Variants in GRIK4 observed in about 807,000 individuals in gnomAD.
The protein encoded by GRIK4 is glutamate receptor ionotropic, kainate 4.
Under a neutral mutation model 104.9 loss-of-function variants are expected in GRIK4, and 40 were observed. The observed-to-expected ratio is 0.38, with a 90% CI of 0.30 to 0.50. The LOEUF is 0.50. GRIK4 is among the 20% of genes least tolerant of loss of function. The probability of loss-of-function intolerance (pLI) is 0.93; values close to 1 mark genes in which losing one functional copy is unlikely to be tolerated. For missense variants in GRIK4, 1,047 were observed against 1,308.1 expected (o/e 0.80, Z 3.08); for synonymous variants, 485 against 524.9 (o/e 0.92, Z 1.04).
chr11:120,898,523 TCTC>T lies in GRIK4; in HGVS notation c.1165-5_1165-3del. 1 of 1,516,578 alleles carries T rather than the reference TCTC, an allele frequency of 6.6e-7. No individual in the cohort carries two copies. Among genetic ancestry groups the T allele is most frequent in the Non-Finnish European group, 9.2e-7 (1 of 1,090,878 alleles). 93.9% of individuals were successfully genotyped at this position (1,516,578 alleles called of 1,614,324 possible). Reference sequence around the variant, plus strand: ...ATTTCTTCCCAGTCCTCTCCGTTGGTCTCCTCAGATCGGCCAGTGGCACGTGGC... The same window carrying T: ...ATTTCTTCCCAGTCCTCTCCGTTGGTCTCAGATCGGCCAGTGGCACGTGGC... On this transcript the variant is annotated splice_region_variant and splice_polypyrimidine_tract_variant and intron_variant, in intron 11 of 20. Coordinates refer to ENST00000527524, the MANE Select transcript of GRIK4 (RefSeq NM_014619.5).
intron 3 of GRIK4, among the ~76,000 whole-genome samples, chr11:120,780,849 C>G (rs957778016): frequency 2.0e-4 from 31 of 152,200 alleles, no homozygotes; most frequent in Non-Finnish European, 1.5e-5. Flanking sequence ...TCACACCATT[C>G]TCCTGCCTCA....
At chr11:120,941,272 A>G (rs1356240038) in intron 14 of GRIK4, among the ~76,000 whole-genome samples, 1 of 152,190 alleles carries the variant, frequency 6.6e-6, no homozygotes. Flanking sequence ...TTCAGTGCCC[A>G]TGATTCAGCT....
chr11:120,944,976 T>C (rs557107219), intron 14 of GRIK4, among the ~76,000 whole-genome samples: 1 of 152,222 alleles, frequency 6.6e-6, no homozygotes, highest in African/African-American at 2.4e-5. Flanking sequence ...TCATAATCTA[T>C]TTGCAGCCTG....
chr11:120,639,498 C>G (rs1400388595), intron 1 of GRIK4, among the ~76,000 whole-genome samples: 1 of 152,178 alleles, frequency 6.6e-6, no homozygotes, highest in African/African-American at 2.4e-5. Context: ...AAGTCATTCC[C>G]CTGTCTCGCA....
intron 8 of GRIK4, among the ~76,000 whole-genome samples, chr11:120,837,526 T>C (rs748103926): frequency 7.2e-5 from 11 of 152,168 alleles, no homozygotes; most frequent in Admixed American, 2.6e-4. Flanking sequence ...TGCACATAGA[T>C]GAAAGCCACA....
At chr11:120,839,504 C>T (rs1264662971) in intron 8 of GRIK4, among the ~76,000 whole-genome samples, 2 of 152,130 alleles carry the variant, frequency 1.3e-5, no homozygotes, top group African/African-American at 2.4e-5. Context: ...ACTCACAATA[C>T]GAGTTTATTT....
chr11:120,666,484 A>G (rs1949916428), intron 3 of GRIK4, among the ~76,000 whole-genome samples: 3 of 152,242 alleles, frequency 2.0e-5, no homozygotes. Flanking sequence ...GAAAAAGCAC[A>G]TAGGTAATGG....
At position 120,918,549 on chromosome 11, in the gene GRIK4, C is replaced by T. The variant is rs900815653; in HGVS notation, c.1476+13056C>T. 2.6e-5 allele frequency among the ~76,000 whole-genome samples: 4 copies of T among 152,178 alleles called. No homozygotes were observed. The East Asian group carries it at 7.7e-4, about 29-fold the overall frequency. ...TGTGAAACCCAGCCCTCACTCTGCT[C>T]ACCAAACACGTGCTCTGGGATGGGG... On this transcript the variant is annotated intron_variant, in intron 13 of 20. Transcript: ENST00000527524.
chr11:120,979,547 A>AC (rs1482240140), intron 19 of GRIK4, among the ~76,000 whole-genome samples: 1 of 152,212 alleles, frequency 6.6e-6, no homozygotes, highest in Non-Finnish European at 1.5e-5. Context: ...ACCACTCTCA[A>AC]AAAGCTCGGC....
intron 1 of GRIK4, among the ~76,000 whole-genome samples, chr11:120,618,158 T>C (rs1949139698): frequency 6.6e-6 from 1 of 152,216 alleles, no homozygotes; most frequent in Non-Finnish European, 1.5e-5. Context: ...GAAACTGGAG[T>C]AAAAGGTCAC....
At chr11:120,929,772 T>TA (rs1272195665) in intron 13 of GRIK4, among the ~76,000 whole-genome samples, 1 of 152,186 alleles carries the variant, frequency 6.6e-6, no homozygotes, top group Admixed American at 6.5e-5. Flanking sequence ...TCCAAGGTGT[T>TA]AGAGGGAACC....
intron 13 of GRIK4, among the ~76,000 whole-genome samples, chr11:120,916,189 C>T (rs375752549): frequency 7.7e-4 from 117 of 152,328 alleles, no homozygotes; most frequent in African/African-American, 2.6e-3. Flanking sequence ...ATGACCACCT[C>T]GTTTTTCAGA....
At chr11:120,957,591 A>ATGTATGTGTGTGTGTGTG (rs1944187310) in intron 16 of GRIK4, among the ~76,000 whole-genome samples, 1 of 136,436 alleles carries the variant, frequency 7.3e-6, no homozygotes, top group African/African-American at 2.9e-5. Flanking sequence ...GACAAAACAA[A>ATGTATGTGTGTGTGTGTG]TGTGTGTGTG....
chr11:120,958,521 G>C (rs1160151683), intron 16 of GRIK4, among the ~76,000 whole-genome samples: 3 of 152,266 alleles, frequency 2.0e-5, no homozygotes, highest in African/African-American at 7.2e-5. Context: ...AGAAGACAGG[G>C]CCATCGTGGC....
intron 9 of GRIK4, among the ~76,000 whole-genome samples, chr11:120,867,696 G>A (rs530972236): frequency 5.8e-4 from 88 of 152,040 alleles, no homozygotes; most frequent in Admixed American, 3.8e-3. Flanking sequence ...GAGGTAACCA[G>A]GAAAGCAAGA....
chr11:120,596,526 G>A (rs1345788353), intron 1 of GRIK4, among the ~76,000 whole-genome samples: 1 of 152,164 alleles, frequency 6.6e-6, no homozygotes, highest in Non-Finnish European at 1.5e-5. Flanking sequence ...GGGGAAGGAT[G>A]GATGTCTGTG....
chr11:120,986,197 G>A lies in GRIK4; in HGVS notation c.2808G>A (p.Ser936=), dbSNP rs1336098934. 6.4e-6 allele frequency: 10 copies of A among 1,567,228 alleles called. No homozygotes were observed. The South Asian group carries it at 9.1e-5, about 14-fold the overall frequency. Residue 936 remains serine, a synonymous_variant, in exon 21 of 21, where the codon TCG becomes TCA. Transcript: ENST00000527524. ...TCCAGGGCCTGCGGGCACGGCCGTCGCCCGCCCGCAGCGAGGAGAGCCTGG... is the reference window on the plus strand; with the variant it reads ...TCCAGGGCCTGCGGGCACGGCCGTCACCCGCCCGCAGCGAGGAGAGCCTGG... ...RRFQGLRARP[S]PARSEESLEW...
At chr11:120,652,284 A>G (rs994210809) in intron 1 of GRIK4, among the ~76,000 whole-genome samples, 2 of 152,200 alleles carry the variant, frequency 1.3e-5, no homozygotes, top group African/African-American at 4.8e-5. Context: ...TAATTCCCTC[A>G]TTTTACAGAA....
At chr11:120,923,219 T>C (rs896849951) in intron 13 of GRIK4, among the ~76,000 whole-genome samples, 1 of 151,992 alleles carries the variant, frequency 6.6e-6, no homozygotes, top group East Asian at 1.9e-4. Context: ...GCAAATCAGA[T>C]AGGAGGGCTC....
Sources: allele counts gnomAD v4.1 joint callset (sites outside exome capture counted in the v4.1 genomes callset), GRCh38; gene constraint gnomAD v4.1.1; transcripts MANE v1.5; gene names NCBI Gene and HGNC (gene_info 2026-07-23, HGNC 2026-07-21).